PAPPA: variants seen among roughly 807,000 people sequenced by gnomAD.
The protein encoded by PAPPA is pappalysin 1.
PAPPA carries 60 observed loss-of-function variants against 164.0 expected under a neutral mutation model. That is an observed-to-expected ratio of 0.37 (90% CI 0.30 to 0.45). PAPPA has a LOEUF of 0.45. Ranked by LOEUF, PAPPA falls within the 20% of genes least tolerant of loss-of-function variation. The pLI, the probability that PAPPA is intolerant of heterozygous loss-of-function variation, is 1.00. For missense variants in PAPPA, 1,782 were observed against 2,087.3 expected (o/e 0.85, Z 2.85); for synonymous variants, 875 against 814.1 (o/e 1.07, Z -1.27).
At chr9:116,230,382 A>G (rs1318461009) in intron 6 of PAPPA, among the ~76,000 whole-genome samples, 2 of 152,166 alleles carry the variant, frequency 1.3e-5, no homozygotes, top group East Asian at 3.8e-4. Context: ...GAGCAATGCC[A>G]GACATATCTG....
At chr9:116,356,747 T>G (rs1337286463) in intron 17 of PAPPA, among the ~76,000 whole-genome samples, 1 of 152,234 alleles carries the variant, frequency 6.6e-6, no homozygotes, top group African/African-American at 2.4e-5. Context: ...CATGCTGTTT[T>G]GGTTTCTGTA....
intron 9 of PAPPA, among the ~76,000 whole-genome samples, chr9:116,278,699 C>T (rs1161548306): frequency 6.6e-6 from 1 of 151,368 alleles, no homozygotes; most frequent in Non-Finnish European, 1.5e-5. Flanking sequence ...ATAAAGTTGT[C>T]ATAGCAATGT....
chr9:116,244,425 G>A (rs552987258), intron 7 of PAPPA, among the ~76,000 whole-genome samples: 17 of 152,192 alleles, frequency 1.1e-4, no homozygotes, highest in South Asian at 2.1e-4. Flanking sequence ...TTATTCACTC[G>A]TGCATTTAAT....
chr9:116,248,077 GC>G (rs1564197965), intron 7 of PAPPA, among the ~76,000 whole-genome samples: 1 of 152,190 alleles, frequency 6.6e-6, no homozygotes, highest in Non-Finnish European at 1.5e-5. Flanking sequence ...CTTGGCCAGA[GC>G]CATGATAGAG....
chr9:116,323,098 C>T (rs1588003864), intron 10 of PAPPA, among the ~76,000 whole-genome samples: 1 of 152,194 alleles, frequency 6.6e-6, no homozygotes, highest in Admixed American at 6.5e-5. Flanking sequence ...CTTCTCCCTC[C>T]GTCTCCCTGC....
chr9:116,206,917 T>C (rs1844242534), intron 2 of PAPPA, among the ~76,000 whole-genome samples: 1 of 152,168 alleles, frequency 6.6e-6, no homozygotes, highest in Non-Finnish European at 1.5e-5. Flanking sequence ...AGATGTTTTC[T>C]GTATGCAGTG....
chr9:116,312,251 T>C (rs1016789011), intron 10 of PAPPA, among the ~76,000 whole-genome samples: 9 of 152,022 alleles, frequency 5.9e-5, no homozygotes, highest in African/African-American at 2.2e-4. Flanking sequence ...AACCCTTCTT[T>C]GTTCTTGTCT....
chr9:116,269,972 A>G (rs893907719), intron 8 of PAPPA, among the ~76,000 whole-genome samples: 1 of 152,174 alleles, frequency 6.6e-6, no homozygotes, highest in African/African-American at 2.4e-5. Context: ...CATCTTAAGG[A>G]TTGATTGCAA....
chr9:116,315,219 C>G (rs1480866350), intron 10 of PAPPA, among the ~76,000 whole-genome samples: 1 of 152,198 alleles, frequency 6.6e-6, no homozygotes, highest in Non-Finnish European at 1.5e-5. Context: ...TGTTTCATCC[C>G]TTCACATTAC....
intron 2 of PAPPA, among the ~76,000 whole-genome samples, chr9:116,194,893 C>T (rs1005801423): frequency 2.6e-5 from 4 of 152,146 alleles, no homozygotes; most frequent in African/African-American, 7.2e-5. Flanking sequence ...AGATTATTTT[C>T]GTTCTCAAAA....
At chr9:116,286,528 C>A (rs929043556) in intron 9 of PAPPA, 1 of 152,102 alleles carries the variant, frequency 6.6e-6, no homozygotes, top group Non-Finnish European at 1.5e-5. Flanking sequence ...GTAAGTACTG[C>A]GTCTGAAGGG....
chr9:116,262,476 G>C lies in PAPPA; in HGVS notation c.2733-3381G>C, dbSNP rs117064926. Among the ~76,000 whole-genome samples the C allele has an allele frequency of 2.1e-3, 317 of 152,294 alleles. 2 individuals carry two copies. Among genetic ancestry groups the C allele is most frequent in the Non-Finnish European group, 3.6e-3 (245 of 68,032 alleles). On this transcript the variant is annotated intron_variant, in intron 7 of 21. Coordinates refer to ENST00000328252, the MANE Select transcript of PAPPA (RefSeq NM_002581.5). ...AAGAGTAAATTGGAAGTTTCAGCTT[G>C]GTAGCAAGCTGCTGTCGCTGCACTA... is the stretch of plus-strand genomic sequence containing the variant.
At chr9:116,169,739 T>C (rs1843755772) in intron 1 of PAPPA, among the ~76,000 whole-genome samples, 1 of 150,846 alleles carries the variant, frequency 6.6e-6, no homozygotes, top group South Asian at 2.1e-4. Context: ...ACACTAGATT[T>C]TTTTTTTTTA....
At chr9:116,307,147 G>GGT (rs1439004777) in intron 10 of PAPPA, among the ~76,000 whole-genome samples, 8 of 152,196 alleles carry the variant, frequency 5.3e-5, no homozygotes, top group Non-Finnish European at 7.4e-5. Context: ...TCCTGCACTA[G>GGT]AAGGCAGGTG....
chr9:116,260,092 T>C (rs1844983300), intron 7 of PAPPA, among the ~76,000 whole-genome samples: 1 of 152,110 alleles, frequency 6.6e-6, no homozygotes, highest in African/African-American at 2.4e-5. Context: ...TATTGAAACA[T>C]CTATGAAATT....
At chr9:116,172,921 C>T (rs1587937854) in intron 1 of PAPPA, among the ~76,000 whole-genome samples, 1 of 152,190 alleles carries the variant, frequency 6.6e-6, no homozygotes, top group Non-Finnish European at 1.5e-5. Flanking sequence ...TATCAGATCT[C>T]AAGCTAATCA....
Position 116,257,098 on chromosome 9 carries a change from C to T in PAPPA, c.2733-8759C>T, listed in dbSNP as rs115032725. On this transcript the variant is annotated intron_variant, in intron 7 of 21. Transcript: ENST00000328252. ...TTCAATCAATGGAATTTCTAACAAG[C>T]GAAAATCTTATATATTTGCCAACAG... 3.1e-3 allele frequency among the ~76,000 whole-genome samples: 477 copies of T among 151,700 alleles called. 2 individuals carry two copies. Among genetic ancestry groups the T allele is most frequent in the African/African-American group, 0.01 (435 of 41,448 alleles).
intron 2 of PAPPA, among the ~76,000 whole-genome samples, chr9:116,198,659 T>C (rs1844134867): frequency 6.6e-6 from 1 of 152,224 alleles, no homozygotes; most frequent in Admixed American, 6.5e-5. Flanking sequence ...GGCTGTGTCC[T>C]AAAGGATGAT....
At chr9:116,215,013 G>A (rs761540400) in intron 4 of PAPPA, among the ~76,000 whole-genome samples, 3 of 152,144 alleles carry the variant, frequency 2.0e-5, no homozygotes, top group Non-Finnish European at 4.4e-5. Flanking sequence ...CAAAATGTTT[G>A]AATAATTAGA....
Sources: allele counts gnomAD v4.1 joint callset (sites outside exome capture counted in the v4.1 genomes callset), GRCh38; gene constraint gnomAD v4.1.1; transcripts MANE v1.5; gene names NCBI Gene and HGNC (gene_info 2026-07-23, HGNC 2026-07-21).